The following ANKRD17 variants were observed in gnomAD, a reference collection of about 807,000 sequenced individuals.
ANKRD17 encodes ankyrin repeat domain 17.
A neutral mutation model predicts 229.7 loss-of-function variants in ANKRD17; 19 were observed. The observed-to-expected ratio is 0.08, with a 90% CI of 0.06 to 0.12. The LOEUF is 0.12. Among genes scored for constraint, ANKRD17 ranks in the 10% least tolerant of loss-of-function variants. The pLI is 1.00. For synonymous variants in ANKRD17, 1,112 were observed against 1,146.1 expected (o/e 0.97, Z 0.60); for missense variants, 2,176 against 3,176.8 (o/e 0.68, Z 7.57).
intron 16 of ANKRD17, among the ~76,000 whole-genome samples, chr4:73,130,895 C>T (rs371439395): frequency 9.2e-5 from 14 of 152,122 alleles, no homozygotes; most frequent in African/African-American, 2.9e-4. Flanking sequence ...ATTATTGTTC[C>T]ACATAAAGCC....
chr4:73,244,467 A>T (rs984966543), intron 1 of ANKRD17, among the ~76,000 whole-genome samples: 1 of 152,200 alleles, frequency 6.6e-6, no homozygotes, highest in Non-Finnish European at 1.5e-5. Flanking sequence ...ATTAAAAAAA[A>T]TTTAACTCAA....
chr4:73,225,861 C>CAAAAAAAAAAAAAAAAAAAA (rs375866026), intron 1 of ANKRD17, among the ~76,000 whole-genome samples: 1 of 66,702 alleles, frequency 1.5e-5, no homozygotes. Context: ...GACTCTGTCT[C>CAAAAAAAAAAAAAAAAAAAA]AAAAAAAAAA....
Position 73,144,770 on chromosome 4 carries a change from A to C in ANKRD17, c.1932T>G (p.Cys644Trp). ...LMKAARAGHV[C>W]TVQFLISKGA... ...CTTTACTAATTAAGAACTGAACAGT[A>C]CAAACATGACCAGCTCTTGCAGCTT... is the stretch of plus-strand genomic sequence containing the variant. Residue 644 changes from cysteine (C) to tryptophan (W), a missense_variant, in exon 11 of 34, where the codon TGT becomes TGG. By Grantham distance (215) the Cys-to-Trp change is radical. Transcript: ENST00000358602. 2 of 1,606,222 alleles carry C rather than the reference A, an allele frequency of 1.2e-6. No individual in the cohort carries two copies. The highest frequency in any genetic ancestry group is 1.7e-6 in the Non-Finnish European group (2 of 1,177,192).
intron 5 of ANKRD17, 64 bp downstream of exon 5, chr4:73,155,567 T>G (rs368835185): frequency 6.3e-7 from 1 of 1,584,452 alleles, no homozygotes; most frequent in Non-Finnish European, 8.6e-7. Flanking sequence ...ATCACTTTCA[T>G]GCAAAATCAT....
At chr4:73,183,784 C>T (rs1225179213) in intron 1 of ANKRD17, among the ~76,000 whole-genome samples, 1 of 151,844 alleles carries the variant, frequency 6.6e-6, no homozygotes, top group African/African-American at 2.4e-5. Context: ...TTTTTTTATA[C>T]GAGTCTCTGT....
chr4:73,158,524 G>A (rs2148901877), intron 3 of ANKRD17, among the ~76,000 whole-genome samples: 1 of 152,138 alleles, frequency 6.6e-6, no homozygotes, highest in South Asian at 2.1e-4. Context: ...TTCCTAGAAA[G>A]CCACCATTTT....
Position 73,097,218 on chromosome 4 carries a change from T to C in ANKRD17, c.5076A>G (p.Lys1692=). The stretch of plus-strand genomic sequence containing the variant: ...GAGAAGAAAGGGGAGATGGACCAGA[T>C]TTTGTACAAGTAGATAGAGAATTAC... The part of the protein sequence containing the change: ...GTSNSLSTCT[K]SGPSPLSSPN... Residue 1692 remains lysine (K), a synonymous_variant, in exon 27 of 34, where the codon AAA becomes AAG. Transcript: ENST00000358602. 6.2e-7 allele frequency: 1 copy of C among 1,610,490 alleles called. No individual in the cohort carries two copies. The highest frequency in any genetic ancestry group is 8.5e-7 in the Non-Finnish European group (1 of 1,178,524).
At chr4:73,193,073 CATTTGT>C (rs1737350273) in intron 1 of ANKRD17, among the ~76,000 whole-genome samples, 1 of 152,070 alleles carries the variant, frequency 6.6e-6, no homozygotes, top group Admixed American at 6.6e-5. Context: ...TTGTCCTGTC[CATTTGT>C]AGGCAATCAT....
At chr4:73,211,770 C>T (rs571088866) in intron 1 of ANKRD17, among the ~76,000 whole-genome samples, 9 of 151,284 alleles carry the variant, frequency 5.9e-5, no homozygotes, top group Admixed American at 3.9e-4. Context: ...TCACTTGAAC[C>T]CGGGAGGCAG....
chr4:73,145,442 T>A (rs1440779580), intron 10 of ANKRD17, among the ~76,000 whole-genome samples: 1 of 152,186 alleles, frequency 6.6e-6, no homozygotes, highest in African/African-American at 2.4e-5. Context: ...TACTTATGAT[T>A]ACTAAGTAAT....
intron 29 of ANKRD17, among the ~76,000 whole-genome samples, chr4:73,089,034 A>T (rs1377894024): frequency 6.6e-6 from 1 of 151,560 alleles, no homozygotes; most frequent in Non-Finnish European, 1.5e-5. Flanking sequence ...TTGCATGTTT[A>T]TTCTTTTTAA....
chr4:73,179,975 T>C (rs1432682834), intron 1 of ANKRD17, among the ~76,000 whole-genome samples: 1 of 152,096 alleles, frequency 6.6e-6, no homozygotes, highest in Non-Finnish European at 1.5e-5. Context: ...AATTTTCTAA[T>C]ATCTGAAATT....
At chr4:73,217,856 C>T (rs1741291520) in intron 1 of ANKRD17, among the ~76,000 whole-genome samples, 1 of 152,158 alleles carries the variant, frequency 6.6e-6, no homozygotes, top group African/African-American at 2.4e-5. Flanking sequence ...TGGGTCCCAT[C>T]CCCAAGTTAT....
chr4:73,194,524 G>T (rs904145510), intron 1 of ANKRD17, among the ~76,000 whole-genome samples: 47 of 151,882 alleles, frequency 3.1e-4, no homozygotes, highest in African/African-American at 1.1e-3. Context: ...TTATTATAGG[G>T]CCTTTTCTAT....
intron 16 of ANKRD17, among the ~76,000 whole-genome samples, chr4:73,130,068 T>G (rs1728002815): frequency 6.6e-6 from 1 of 152,096 alleles, no homozygotes; most frequent in Middle Eastern, 3.2e-3. Flanking sequence ...CTCTGCCTAT[T>G]AATTACTCTT....
intron 24 of ANKRD17, chr4:73,112,874 G>A (rs1424046399): frequency 2.0e-5 from 6 of 296,616 alleles, no homozygotes; most frequent in African/African-American, 2.3e-5. Flanking sequence ...TGCAACCTCC[G>A]CCTCCCAGGT....
intron 1 of ANKRD17, among the ~76,000 whole-genome samples, chr4:73,180,575 A>G (rs2149011403): frequency 6.6e-6 from 1 of 152,324 alleles, no homozygotes; most frequent in Non-Finnish European, 1.5e-5. Flanking sequence ...TAGGCCCACT[A>G]TTCTCACTAT....
At chr4:73,123,496 T>C (rs2148711013) in intron 18 of ANKRD17, among the ~76,000 whole-genome samples, 1 of 152,072 alleles carries the variant, frequency 6.6e-6, no homozygotes, top group East Asian at 1.9e-4. Flanking sequence ...TTGTGTGGAG[T>C]ATTCTAGTAA....
At chr4:73,188,295 G>T (rs1327798874) in intron 1 of ANKRD17, among the ~76,000 whole-genome samples, 1 of 151,878 alleles carries the variant, frequency 6.6e-6, no homozygotes, top group Non-Finnish European at 1.5e-5. Flanking sequence ...GATCTTTAAA[G>T]AAAAATTTAG....
Sources: gnomAD v4.1 joint callset for allele counts (sites outside exome capture counted in the v4.1 genomes callset) on GRCh38, gnomAD v4.1.1 for gene constraint, MANE v1.5 for transcripts, NCBI Gene and HGNC (gene_info 2026-07-23, HGNC 2026-07-21) for gene names.